Variants in VAV2 observed in about 807,000 individuals in gnomAD.
VAV2 encodes guanine nucleotide exchange factor VAV2.
Under a neutral mutation model 132.5 loss-of-function variants are expected in VAV2, and 67 were observed. That is an observed-to-expected ratio of 0.51 (90% CI 0.42 to 0.62). VAV2 has a LOEUF of 0.62. Among genes scored for constraint, VAV2 ranks in the 20% least tolerant of loss-of-function variants. VAV2 has a pLI of 0.00. For missense variants in VAV2, 938 were observed against 1,153.6 expected (o/e 0.81, Z 2.71); for synonymous variants, 492 against 443.5 (o/e 1.11, Z -1.37).
chr9:133,968,025 G>A (rs1054034260), intron 1 of VAV2, among the ~76,000 whole-genome samples: 15 of 151,736 alleles, frequency 9.9e-5, no homozygotes, highest in Admixed American at 3.3e-4. Flanking sequence ...GAGGGACAGA[G>A]TGGAATGATG....
intron 3 of VAV2, among the ~76,000 whole-genome samples, chr9:133,839,081 T>C (rs1836612240): frequency 6.6e-6 from 1 of 150,992 alleles, no homozygotes; most frequent in Non-Finnish European, 1.5e-5. Context: ...GTTGGATGAA[T>C]GGCTAGGTGG....
At chr9:133,894,876 C>T (rs979269102) in intron 2 of VAV2, among the ~76,000 whole-genome samples, 2 of 152,152 alleles carry the variant, frequency 1.3e-5, no homozygotes, top group Non-Finnish European at 2.9e-5. Context: ...CAGAGCTGAG[C>T]ACTCTGCTAG....
In VAV2 at chr9:133,912,623, C is replaced by T. The variant is rs773384432; in HGVS notation, c.321+26480G>A. On this transcript the variant is annotated intron_variant, in intron 2 of 29. Transcript: ENST00000371850. The surrounding 1 kb of genome is among the most constrained non-coding windows in gnomAD (Gnocchi z 4.3). ...TTTCAATCGCGGAACACAAATTACACGTGTGATGCTCTTCTCCACGTGTGC... is the reference window on the plus strand; with the variant it reads ...TTTCAATCGCGGAACACAAATTACATGTGTGATGCTCTTCTCCACGTGTGC... Among the ~76,000 whole-genome samples the T allele has an allele frequency of 2.0e-5, 3 of 152,126 alleles. No individual in the cohort carries two copies. Among genetic ancestry groups the T allele is most frequent in the Non-Finnish European group, 2.9e-5 (2 of 68,036 alleles).
Position 133,819,405 on chromosome 9 carries a change from C to T in VAV2, c.450-7189G>A, listed in dbSNP as rs147399994. On this transcript the variant is annotated intron_variant, in intron 4 of 29. Transcript: ENST00000371850. ...TGGAGTTTGCAGAGAGCCGAGATCG[C>T]GTCACTGCACTCCAGCCTGGGCGAC... 5.1e-3 allele frequency among the ~76,000 whole-genome samples: 770 copies of T among 151,038 alleles called. 2 individuals are homozygous for T. Among genetic ancestry groups the T allele is most frequent in the Admixed American group, 7.9e-3 (120 of 15,178 alleles).
At chr9:133,878,760 G>A (rs1838368927) in intron 2 of VAV2, among the ~76,000 whole-genome samples, 1 of 152,218 alleles carries the variant, frequency 6.6e-6, no homozygotes, top group Non-Finnish European at 1.5e-5. Flanking sequence ...ACACCAGGGG[G>A]TCCCGATCCA....
rs1455521456 is a variant in VAV2 at position 133,884,067 on chromosome 9, G to A, written c.322-22635C>T. Among the ~76,000 whole-genome samples, 2 of 149,674 alleles carry A rather than the reference G, an allele frequency of 1.3e-5. No individual in the cohort carries two copies. The highest frequency in any genetic ancestry group is 2.6e-5 in the African/African-American group (1 of 39,130). Reference sequence around the variant, plus strand: ...GGGGAATCACTTGAACCCGGGAGGCGGAGGTTGCAGCGAGGCGGAGGTTGC... The same window carrying A: ...GGGGAATCACTTGAACCCGGGAGGCAGAGGTTGCAGCGAGGCGGAGGTTGC... On this transcript the variant is annotated intron_variant, in intron 2 of 29. Coordinates refer to ENST00000371850, the MANE Select transcript of VAV2 (RefSeq NM_001134398.2). The surrounding 1 kb of genome is among the most constrained non-coding windows in gnomAD (Gnocchi z 5.3).
At position 133,823,905 on chromosome 9, in the gene VAV2, G is replaced by A. The variant is rs544554466; in HGVS notation, c.449+10367C>T. 2.6e-5 allele frequency among the ~76,000 whole-genome samples: 4 copies of A among 152,254 alleles called. No homozygotes were observed. The highest frequency in any genetic ancestry group is 7.2e-5 in the African/African-American group (3 of 41,550). On this transcript the variant is annotated intron_variant, in intron 4 of 29. Coordinates refer to ENST00000371850, the MANE Select transcript of VAV2 (RefSeq NM_001134398.2). The surrounding 1 kb of genome is among the most constrained non-coding windows in gnomAD (Gnocchi z 5.5). The stretch of plus-strand genomic sequence containing the variant: ...TGCGGAGCGGGCAGGGTGGTCACGC[G>A]CACCTGCTCTGCGTGCGTCAGAGGG...
rs1053291725 is a variant in VAV2 at position 133,991,096 on chromosome 9, G to A, written c.204+979C>T. Among the ~76,000 whole-genome samples, 1 of 152,142 alleles carries A rather than the reference G, an allele frequency of 6.6e-6. No individual in the cohort carries two copies. The highest frequency in any genetic ancestry group is 1.5e-5 in the Non-Finnish European group (1 of 68,016). On this transcript the variant is annotated intron_variant, in intron 1 of 29. Transcript: ENST00000371850. This position sits in a 1 kb window ranked among gnomAD's most constrained non-coding sequence, Gnocchi z 4.8. ...ACTGGTGAATGGTCCCTCTCCACAT[G>A]GAGTTGCCACTGCGCGCGGTGAGGG...
chr9:133,785,713 G>A, intron 17 of VAV2, 63 bp downstream of exon 17: 3 of 1,506,000 alleles, frequency 2.0e-6, no homozygotes, highest in Admixed American at 3.5e-5. Context: ...CAATCCACCT[G>A]GGCTTCCACC....
intron 22 of VAV2, among the ~76,000 whole-genome samples, chr9:133,778,033 G>C (rs1347790343): frequency 6.6e-6 from 1 of 152,158 alleles, no homozygotes; most frequent in South Asian, 2.1e-4. Context: ...TTGGTAGAGG[G>C]GCCGAGGACT....
At chr9:133,783,641 A>G in intron 18 of VAV2, 50 bp from the exon 19 acceptor site, 1 of 1,572,698 alleles carries the variant, frequency 6.4e-7, no homozygotes, top group Non-Finnish European at 8.7e-7. Flanking sequence ...TCGGCTCCTC[A>G]TGCCTCTCTG....
intron 2 of VAV2, among the ~76,000 whole-genome samples, chr9:133,892,927 C>A (rs569570860): frequency 6.6e-6 from 1 of 152,184 alleles, no homozygotes; most frequent in Non-Finnish European, 1.5e-5. Flanking sequence ...GAGCCCACCC[C>A]CAGAATTATC....
At chr9:133,925,233 C>G (rs1022357751) in intron 2 of VAV2, among the ~76,000 whole-genome samples, 1 of 152,166 alleles carries the variant, frequency 6.6e-6, no homozygotes, top group South Asian at 2.1e-4. Flanking sequence ...TTCCCCCCAC[C>G]GGAGACAGGG....
At chr9:133,836,711 C>A (rs1156686613) in intron 3 of VAV2, among the ~76,000 whole-genome samples, 2 of 152,162 alleles carry the variant, frequency 1.3e-5, no homozygotes, top group African/African-American at 4.8e-5. Flanking sequence ...GGCATCCCAT[C>A]GAACCCTGGA....
chr9:133,801,161 T>C (rs1398463211), intron 9 of VAV2, among the ~76,000 whole-genome samples: 1 of 152,198 alleles, frequency 6.6e-6, no homozygotes, highest in Non-Finnish European at 1.5e-5. Flanking sequence ...CAGGTCCTTC[T>C]ATCCATTTGA....
intron 3 of VAV2, among the ~76,000 whole-genome samples, chr9:133,839,816 G>A (rs1836646838): frequency 6.6e-6 from 1 of 152,222 alleles, no homozygotes; most frequent in African/African-American, 2.4e-5. Context: ...TCACCCCTCA[G>A]TAGGGACTTT....
intron 3 of VAV2, among the ~76,000 whole-genome samples, chr9:133,852,145 G>A (rs1389850164): frequency 2.0e-5 from 3 of 152,050 alleles, no homozygotes; most frequent in African/African-American, 7.3e-5. Flanking sequence ...ATGGGTTGTA[G>A]GGTGCTTGAA....
intron 4 of VAV2, among the ~76,000 whole-genome samples, chr9:133,830,916 T>G (rs1031291875): frequency 2.0e-5 from 3 of 152,176 alleles, no homozygotes; most frequent in African/African-American, 7.2e-5. Context: ...AGTTAAAGAT[T>G]CAAATGCATT....
In VAV2 at chr9:133,779,906, C is replaced by T; in HGVS notation, c.1762+12G>A. On this transcript the variant is annotated intron_variant, in intron 21 of 29. Coordinates refer to ENST00000371850, the MANE Select transcript of VAV2 (RefSeq NM_001134398.2). ...TGGGTGATAGCAGAGGGCCCAGGTC[C>T]AGAAGACTCACCTGGTCCCGCTCCG... The T allele has an allele frequency of 6.2e-7, 1 of 1,611,492 alleles. No homozygotes were observed. Among genetic ancestry groups the T allele is most frequent in the East Asian group, 2.2e-5 (1 of 44,778 alleles).
Sources: allele counts gnomAD v4.1 joint callset (sites outside exome capture counted in the v4.1 genomes callset), GRCh38; gene constraint gnomAD v4.1.1; non-coding constraint Gnocchi (gnomAD v3.1); transcripts MANE v1.5; gene names NCBI Gene and HGNC (gene_info 2026-07-23, HGNC 2026-07-21).